The following PTPRD variants were observed in gnomAD, a reference collection of about 807,000 sequenced individuals.
PTPRD encodes protein tyrosine phosphatase receptor type D.
A neutral mutation model predicts 214.5 loss-of-function variants in PTPRD; 34 were observed. That is an observed-to-expected ratio of 0.16 (90% CI 0.12 to 0.21). The LOEUF is 0.21. PTPRD is among the 10% of genes least tolerant of loss of function. The pLI is 1.00. For missense variants in PTPRD, 2,545 were observed against 2,398.7 expected (o/e 1.06, Z -1.27); for synonymous variants, 1,128 against 845.7 (o/e 1.33, Z -5.79).
chr9:9,442,558 T>C (rs546945348), intron 8 of PTPRD, among the ~76,000 whole-genome samples: 2 of 152,282 alleles, frequency 1.3e-5, no homozygotes, highest in African/African-American at 4.8e-5. Context: ...AAAGCCCAAA[T>C]GAAGGTATAA....
At chr9:9,076,176 T>G (rs2099750860) in intron 10 of PTPRD, among the ~76,000 whole-genome samples, 1 of 152,210 alleles carries the variant, frequency 6.6e-6, no homozygotes, top group Non-Finnish European at 1.5e-5. Context: ...GATGAGCATT[T>G]TTTCATGTGT....
intron 2 of PTPRD, among the ~76,000 whole-genome samples, chr9:10,591,399 A>G (rs2132902399): frequency 6.6e-6 from 1 of 152,174 alleles, no homozygotes; most frequent in South Asian, 2.1e-4. Context: ...TTGTGGAGCT[A>G]TCTTAATTTT....
intron 7 of PTPRD, among the ~76,000 whole-genome samples, chr9:9,665,426 C>G (rs144315437): frequency 6.6e-4 from 100 of 151,784 alleles, no homozygotes; most frequent in African/African-American, 2.2e-3. Context: ...CTTATAAATG[C>G]TCACTGTGAT....
chr9:8,834,189 G>C (rs1384247384), intron 11 of PTPRD, among the ~76,000 whole-genome samples: 1 of 151,880 alleles, frequency 6.6e-6, no homozygotes, highest in African/African-American at 2.4e-5. Flanking sequence ...TAGTTCAAGG[G>C]AAAAAGCCTG....
chr9:9,379,241 T>C (rs2061546527), intron 9 of PTPRD, among the ~76,000 whole-genome samples: 1 of 144,450 alleles, frequency 6.9e-6, no homozygotes, highest in Non-Finnish European at 1.5e-5. Flanking sequence ...TATATATATA[T>C]ATATATTTGC....
At chr9:10,091,024 C>A (rs946349823) in intron 3 of PTPRD, among the ~76,000 whole-genome samples, 1 of 150,296 alleles carries the variant, frequency 6.7e-6, no homozygotes, top group African/African-American at 2.4e-5. Flanking sequence ...TGACATTAGT[C>A]GCTGCTGTCA....
At chr9:9,352,243 G>T (rs2051521747) in intron 9 of PTPRD, among the ~76,000 whole-genome samples, 1 of 151,058 alleles carries the variant, frequency 6.6e-6, no homozygotes, top group Admixed American at 6.6e-5. Context: ...TAATTTATCT[G>T]TCCAGCTTTG....
intron 10 of PTPRD, among the ~76,000 whole-genome samples, chr9:9,083,582 CA>C (rs1220260520): frequency 6.6e-6 from 1 of 151,998 alleles, no homozygotes; most frequent in Non-Finnish European, 1.5e-5. Flanking sequence ...AGCTTTTGCA[CA>C]GCAAAAGAAA....
intron 39 of PTPRD, among the ~76,000 whole-genome samples, chr9:8,364,104 T>C (rs921925265): frequency 6.6e-6 from 1 of 152,198 alleles, no homozygotes; most frequent in Non-Finnish European, 1.5e-5. Flanking sequence ...ACTGTGAGTG[T>C]GTGAAAGAAA....
At chr9:9,838,985 G>A (rs914345284) in intron 5 of PTPRD, among the ~76,000 whole-genome samples, 12 of 151,988 alleles carry the variant, frequency 7.9e-5, no homozygotes, top group African/African-American at 2.7e-4. Flanking sequence ...TTCTACATAT[G>A]GCTAGCCAGT....
intron 11 of PTPRD, among the ~76,000 whole-genome samples, chr9:9,016,043 A>T (rs1457574628): frequency 6.6e-6 from 1 of 152,126 alleles, no homozygotes; most frequent in Non-Finnish European, 1.5e-5. Context: ...TAACTGCCAA[A>T]GGAGGAAAGA....
chr9:9,093,133 A>T (rs931653318), intron 10 of PTPRD, among the ~76,000 whole-genome samples: 8 of 152,076 alleles, frequency 5.3e-5, no homozygotes, highest in Admixed American at 5.2e-4. Flanking sequence ...TAGAACACAT[A>T]ACAATCTTAA....
At chr9:9,521,430 A>G (rs549618708) in intron 8 of PTPRD, among the ~76,000 whole-genome samples, 1 of 152,242 alleles carries the variant, frequency 6.6e-6, no homozygotes, top group East Asian at 1.9e-4. Context: ...AGACAAAGGG[A>G]AAAAAACCTG....
rs180893768 is a variant in PTPRD, at chr9:9,648,209, T to A, written c.-286-73428A>T. 4.6e-5 allele frequency among the ~76,000 whole-genome samples: 7 copies of A among 151,884 alleles called. No individual in the cohort carries two copies. In the East Asian group the frequency reaches 9.7e-4, roughly 21 times the overall value. ...CTTATTTGAATCTATGTATAAATCT[T>A]ATATAGCCTATTAAAAAAAAAACAC... On this transcript the variant is annotated intron_variant, in intron 7 of 45. Coordinates refer to ENST00000381196, the MANE Select transcript of PTPRD (RefSeq NM_002839.4).
chr9:8,391,746 AG>A (rs2089649020), intron 36 of PTPRD, among the ~76,000 whole-genome samples: 1 of 152,142 alleles, frequency 6.6e-6, no homozygotes, highest in African/African-American at 2.4e-5. Context: ...ATGACTCAGA[AG>A]ATTCATCACC....
At chr9:9,934,445 C>T (rs574525094) in intron 5 of PTPRD, among the ~76,000 whole-genome samples, 42 of 135,478 alleles carry the variant, frequency 3.1e-4, no homozygotes, top group South Asian at 7.4e-4. Context: ...ATACTACAAA[C>T]GCCTCTATGC....
chr9:9,376,289 T>C (rs1204121966), intron 9 of PTPRD, among the ~76,000 whole-genome samples: 3 of 152,150 alleles, frequency 2.0e-5, no homozygotes, highest in African/African-American at 7.2e-5. Context: ...TGACCACTAA[T>C]GCAAGACTGT....
chr9:8,702,280 G>C (rs1009711727), intron 12 of PTPRD, among the ~76,000 whole-genome samples: 4 of 150,910 alleles, frequency 2.7e-5, no homozygotes, highest in Non-Finnish European at 5.9e-5. Flanking sequence ...AAAATGCTCT[G>C]AGTGAGGTTT....
chr9:8,948,696 C>G (rs72708110), intron 11 of PTPRD, among the ~76,000 whole-genome samples: 1,614 of 146,134 alleles, frequency 0.011, 20 homozygotes, highest in African/African-American at 0.031. Flanking sequence ...AATATGATAT[C>G]TTTTAATAAT....
Sources: allele counts gnomAD v4.1 joint callset (sites outside exome capture counted in the v4.1 genomes callset), GRCh38; gene constraint gnomAD v4.1.1; transcripts MANE v1.5; gene names NCBI Gene and HGNC (gene_info 2026-07-23, HGNC 2026-07-21).